Variants in ATP9B observed in about 807,000 individuals in gnomAD.
ATP9B encodes ATPase phospholipid transporting 9B.
A neutral mutation model predicts 146.1 loss-of-function variants in ATP9B; 110 were observed. The observed-to-expected ratio is 0.75, with a 90% CI of 0.65 to 0.88. ATP9B has a LOEUF of 0.88. ATP9B is among the 40% of genes least tolerant of loss of function. The probability of loss-of-function intolerance (pLI) is 0.00; values close to 1 mark genes in which losing one functional copy is unlikely to be tolerated. For missense variants in ATP9B, 1,499 were observed against 1,496.4 expected, an observed-to-expected ratio of 1.00 and a Z score of -0.03; for synonymous variants, 604 against 569.7, an observed-to-expected ratio of 1.06 and a Z score of -0.86.
intron 12 of ATP9B, among the ~76,000 whole-genome samples, chr18:79,256,257 C>CAATATATATATATATATA (rs1262664506): frequency 1.0e-5 from 1 of 100,398 alleles, no homozygotes; most frequent in African/African-American, 4.6e-5. Flanking sequence ...TTCTAGCTAG[C>CAATATATATATATATATA]TATATATATA....
rs766839784 is a variant in ATP9B at position 79,347,762 on chromosome 18, T to C, written c.2683-8T>C. On this transcript the variant is annotated splice_region_variant and splice_polypyrimidine_tract_variant and intron_variant, in intron 23 of 29. Coordinates refer to ENST00000426216, the MANE Select transcript of ATP9B (RefSeq NM_198531.5). ...TGTTTGAAAAGGCCCCGTGTGCTTT[T>C]CTCTCAGGAGGGTAAACAGGCCTCG... The C allele has an allele frequency of 6.5e-7, 1 of 1,535,962 alleles. No homozygotes were observed. Among genetic ancestry groups the C allele is most frequent in the Admixed American group, 2.1e-5 (1 of 47,038 alleles).
At chr18:79,327,864 CGTGCTCTCCATGGATAGT>C (rs1568701252) in intron 15 of ATP9B, among the ~76,000 whole-genome samples, 5 of 19,786 alleles carry the variant, frequency 2.5e-4, no homozygotes, top group Non-Finnish European at 2.7e-4. Context: ...CCATGGTTAG[CGTGCTCTCCATGGATAGT>C]GTGCTCTCCG....
chr18:79,156,566 A>G (rs1312711083), intron 7 of ATP9B, among the ~76,000 whole-genome samples: 1 of 152,210 alleles, frequency 6.6e-6, no homozygotes, highest in Non-Finnish European at 1.5e-5. Context: ...ACTATTGTTA[A>G]GCAGTTCCGT....
Position 79,176,830 on chromosome 18 carries a change from A to G in ATP9B, c.796A>G (p.Thr266Ala), listed in dbSNP as rs757501045. ...SEKAGSCFIRTDQLDGETDWK... is the reference protein window; with the variant it reads ...SEKAGSCFIRADQLDGETDWK... ...CTTCCAAGGTTCGTGTTTTATTCGAACTGATCAACTAGATGGTGAAACTGA... is the reference window on the plus strand; with the variant it reads ...CTTCCAAGGTTCGTGTTTTATTCGAGCTGATCAACTAGATGGTGAAACTGA... The change falls in exon 8 of 30, where the codon ACT becomes GCT. Residue 266 changes from threonine (T) to alanine (A), a missense_variant. Coordinates refer to ENST00000426216, the MANE Select transcript of ATP9B (RefSeq NM_198531.5). The G allele has an allele frequency of 1.7e-5, 28 of 1,613,986 alleles. No individual in the cohort carries two copies. Among genetic ancestry groups the G allele is most frequent in the Admixed American group, 3.3e-5 (2 of 59,986 alleles).
At chr18:79,314,065 G>T (rs374633459) in intron 15 of ATP9B, among the ~76,000 whole-genome samples, 1 of 152,128 alleles carries the variant, frequency 6.6e-6, no homozygotes. Context: ...ATTTTTTATC[G>T]AATAAAGTGC....
At chr18:79,327,536 AG>A (rs1568697034) in intron 15 of ATP9B, among the ~76,000 whole-genome samples, 3 of 137,894 alleles carry the variant, frequency 2.2e-5, no homozygotes, top group African/African-American at 8.6e-5. Flanking sequence ...CTCCGTGGTT[AG>A]CGTGCTCTCC....
At chr18:79,139,155 G>T (rs2094483877) in intron 5 of ATP9B, among the ~76,000 whole-genome samples, 1 of 152,214 alleles carries the variant, frequency 6.6e-6, no homozygotes, top group East Asian at 1.9e-4. Flanking sequence ...TTTGTGTTTA[G>T]TAGGTCTTAC....
At chr18:79,375,747 G>C (rs568534368) in intron 29 of ATP9B, 2 of 985,366 alleles carry the variant, frequency 2.0e-6, no homozygotes, top group South Asian at 9.4e-5. Flanking sequence ...AACACTTCCA[G>C]GGTCTTCAGA....
chr18:79,329,023 C>T, intron 15 of ATP9B, 118 bp from the exon 16 acceptor site: 1 of 1,124,172 alleles, frequency 8.9e-7, no homozygotes, highest in South Asian at 2.3e-5. Context: ...TTCTGAACAC[C>T]TAAGTTCTTC....
intron 17 of ATP9B, among the ~76,000 whole-genome samples, chr18:79,332,169 C>A (rs1216572562): frequency 1.3e-5 from 2 of 152,252 alleles, no homozygotes; most frequent in Non-Finnish European, 2.9e-5. Context: ...GTGGCTTACG[C>A]CTGTAATGCC....
intron 11 of ATP9B, among the ~76,000 whole-genome samples, chr18:79,223,226 T>G (rs916267722): frequency 6.6e-6 from 1 of 152,212 alleles, no homozygotes. Context: ...CTTTGCAACT[T>G]GAAATATCAA....
intron 26 of ATP9B, chr18:79,361,842 C>T: frequency 1.0e-6 from 1 of 980,240 alleles, no homozygotes; most frequent in Non-Finnish European, 1.2e-6. Flanking sequence ...CGGTCAGTGT[C>T]AGTGGACACC....
At chr18:79,265,659 T>C (rs1015127315) in intron 12 of ATP9B, among the ~76,000 whole-genome samples, 1 of 152,144 alleles carries the variant, frequency 6.6e-6, no homozygotes, top group Admixed American at 6.5e-5. Flanking sequence ...TTCACTCTGC[T>C]GTTAAGTTTT....
chr18:79,179,180 C>T (rs1277291929), intron 8 of ATP9B, among the ~76,000 whole-genome samples: 1 of 152,140 alleles, frequency 6.6e-6, no homozygotes, highest in African/African-American at 2.4e-5. Flanking sequence ...CCTTCTTTCA[C>T]TCCCAATATT....
At chr18:79,138,824 A>G (rs1237070600) in intron 5 of ATP9B, among the ~76,000 whole-genome samples, 1 of 136,514 alleles carries the variant, frequency 7.3e-6, no homozygotes, top group Non-Finnish European at 1.6e-5. Flanking sequence ...CTCCTGCCGT[A>G]TTCATAGACT....
At chr18:79,227,399 G>GTGGATGGA in intron 11 of ATP9B, among the ~76,000 whole-genome samples, 1 of 147,778 alleles carries the variant, frequency 6.8e-6, no homozygotes. Flanking sequence ...GCATGGATGG[G>GTGGATGGA]TGGATGGATG....
At chr18:79,307,281 C>A in intron 15 of ATP9B, 47 bp downstream of exon 15, 1 of 1,610,540 alleles carries the variant, frequency 6.2e-7, no homozygotes. Flanking sequence ...TCCATTTGGA[C>A]TCCAGAGTCA....
chr18:79,097,290 C>T (rs1030160600), intron 2 of ATP9B, among the ~76,000 whole-genome samples: 1 of 147,200 alleles, frequency 6.8e-6, no homozygotes, highest in Admixed American at 6.7e-5. Flanking sequence ...TGGGCCTATA[C>T]TCCTCTGGTA....
At chr18:79,349,797 A>T (rs1438869765) in intron 25 of ATP9B, among the ~76,000 whole-genome samples, 2 of 151,812 alleles carry the variant, frequency 1.3e-5, no homozygotes, top group Non-Finnish European at 2.9e-5. Context: ...TCCAGTCTTC[A>T]GGTCCTCTCT....
Sources: allele counts gnomAD v4.1 joint callset (sites outside exome capture counted in the v4.1 genomes callset), GRCh38; gene constraint gnomAD v4.1.1; transcripts MANE v1.5; gene names NCBI Gene and HGNC (gene_info 2026-07-23, HGNC 2026-07-21).